Variants in DAPK3 observed in about 807,000 individuals in gnomAD.
DAPK3 encodes the protein death associated protein kinase 3.
In DAPK3, 24 loss-of-function variants were observed where a neutral mutation model predicts 30.6. The ratio of observed to expected loss-of-function variants is 0.78; its 90% confidence interval spans 0.57 to 1.10. DAPK3 has a LOEUF of 1.10. DAPK3 is among the 50% of genes least tolerant of loss of function. The probability of loss-of-function intolerance (pLI) is 0.00; values close to 1 mark genes in which losing one functional copy is unlikely to be tolerated. For synonymous variants in DAPK3, 341 were observed against 284.0 expected (o/e 1.20, Z -2.02); for missense variants, 629 against 657.3 (o/e 0.96, Z 0.47).
chr19:3,959,155 G>A lies in DAPK3; in HGVS notation c.1311C>T (p.Leu437=), dbSNP rs773681330. 3.8e-6 allele frequency: 6 copies of A among 1,588,902 alleles called. No homozygotes were observed. Among genetic ancestry groups the A allele is most frequent in the Non-Finnish European group, 4.3e-6 (5 of 1,172,172 alleles). The change falls in exon 9 of 9, where the codon CTC becomes CTT. Residue 437 remains leucine, a synonymous_variant. Coordinates refer to ENST00000545797, the MANE Select transcript of DAPK3 (RefSeq NM_001348.3). ...VASEMRFVQD[L]VRALEQEKLQ... is the part of the protein sequence containing the mutation. ...GCTTCTCCTGCTCCAGGGCGCGCAC[G>A]AGGTCCTGCACGAAGCGCATCTCGG...
At chr19:3,967,044 T>C (rs141439764) in intron 2 of DAPK3, among the ~76,000 whole-genome samples, 379 of 152,244 alleles carry the variant, frequency 2.5e-3, no homozygotes, top group African/African-American at 8.6e-3. Context: ...TCAGTGATGG[T>C]CTCAGGTGTC....
chr19:3,966,839 GC>G (rs140585065), intron 2 of DAPK3, among the ~76,000 whole-genome samples: 2,916 of 152,296 alleles, frequency 0.019, 107 homozygotes, highest in African/African-American at 0.067. Flanking sequence ...CCTCCAGACA[GC>G]CCCCGGTCTC....
chr19:3,968,054 C>G (rs2145342391), intron 2 of DAPK3, among the ~76,000 whole-genome samples: 1 of 152,358 alleles, frequency 6.6e-6, no homozygotes, highest in South Asian at 2.1e-4. Flanking sequence ...TCTTGAAGTC[C>G]TGGGCTCAAG....
intron 1 of DAPK3, 122 bp from the exon 2 acceptor site, chr19:3,969,951 T>C (rs767631894): frequency 3.5e-6 from 2 of 569,286 alleles, no homozygotes; most frequent in Non-Finnish European, 6.2e-6. Context: ...AGCTCCAAAC[T>C]CGACAAAAAG....
At chr19:3,965,024 A>C (rs1343247225) in intron 2 of DAPK3, 33 bp from the exon 3 acceptor site, 2 of 1,227,910 alleles carry the variant, frequency 1.6e-6, no homozygotes, top group Non-Finnish European at 2.4e-6. Flanking sequence ...GTGGGGGTGG[A>C]GGAGGCGGAG....
intron 7 of DAPK3, 114 bp from the exon 8 acceptor site, chr19:3,960,218 A>T: frequency 1.5e-6 from 1 of 662,940 alleles, no homozygotes; most frequent in East Asian, 2.8e-5. Context: ...GCCTCTGCTC[A>T]GCCAACCACA....
chr19:3,970,099 G>A (rs561210395), intron 1 of DAPK3, among the ~76,000 whole-genome samples: 6 of 152,196 alleles, frequency 3.9e-5, no homozygotes, highest in South Asian at 4.1e-4. Flanking sequence ...TGATTTCCCC[G>A]ACGCTGCCTG....
At chr19:3,968,228 C>T (rs2039598738) in intron 2 of DAPK3, among the ~76,000 whole-genome samples, 1 of 152,208 alleles carries the variant, frequency 6.6e-6, no homozygotes, top group African/African-American at 2.4e-5. Flanking sequence ...GGTGCGGTGG[C>T]TCACGCCTGT....
chr19:3,959,938 G>T, intron 8 of DAPK3, 121 bp downstream of exon 8: 1 of 763,870 alleles, frequency 1.3e-6, no homozygotes. Flanking sequence ...CTCCTCTGGG[G>T]ACCCTCCCCA....
chr19:3,964,036 C>T (rs2039547419), intron 4 of DAPK3, 117 bp from the exon 5 acceptor site: 8 of 830,352 alleles, frequency 9.6e-6, no homozygotes, highest in East Asian at 5.3e-5. Flanking sequence ...GGCATGAATG[C>T]GGCAGAGCTG....
intron 2 of DAPK3, among the ~76,000 whole-genome samples, chr19:3,967,984 TAA>T (rs1161955202): frequency 6.6e-6 from 1 of 152,230 alleles, no homozygotes; most frequent in African/African-American, 2.4e-5. Flanking sequence ...ATACTTTTTT[TAA>T]AATTATGAAT....
rs72976910 is a variant in DAPK3 at position 3,967,794 on chromosome 19, C to T, written c.62+1880G>A. Among the ~76,000 whole-genome samples, 504 of 152,284 alleles carry T rather than the reference C, an allele frequency of 3.3e-3. 2 individuals carry two copies. Among genetic ancestry groups the T allele is most frequent in the Non-Finnish European group, 6.2e-3 (421 of 68,026 alleles). On this transcript the variant is annotated intron_variant, in intron 2 of 8. Transcript: ENST00000545797. The stretch of plus-strand genomic sequence containing the variant: ...AAATTGCTACATTCTGGGCCTTCAT[C>T]TTGCACTTCATGTATCTCTGAGAAT...
intron 4 of DAPK3, 68 bp from the exon 5 acceptor site, chr19:3,963,987 G>A: frequency 9.4e-7 from 1 of 1,060,512 alleles, no homozygotes; most frequent in Non-Finnish European, 1.4e-6. Context: ...TCAAGACACA[G>A]GCATGGGGTC....
At position 3,960,145 on chromosome 19, in the gene DAPK3, T is replaced by G. The variant is rs376694829; in HGVS notation, c.783-41A>C. ...TCTGGTTAGGTACACCTGCACCATC[T>G]GTCCCGTCCTCCCGTGAACAACTGA... On this transcript the variant is annotated intron_variant, in intron 7 of 8. Coordinates refer to ENST00000545797, the MANE Select transcript of DAPK3 (RefSeq NM_001348.3). 3 of 1,172,330 alleles carry G rather than the reference T, an allele frequency of 2.6e-6. No homozygotes were observed. In the African/African-American group the frequency reaches 4.6e-5, roughly 18 times the overall value. 72.6% of individuals were successfully genotyped at this position (1,172,330 alleles called of 1,614,324 possible). A position where few individuals can be genotyped will look rare whatever the true frequency, so the allele number is the denominator to read the frequency against.
intron 2 of DAPK3, 71 bp from the exon 3 acceptor site, chr19:3,965,062 G>A (rs533616612): frequency 5.2e-4 from 415 of 801,682 alleles, no homozygotes; most frequent in East Asian, 4.3e-3. Context: ...CTGGCTCCCC[G>A]TCACCTCCAC....
At chr19:3,970,110 C>T (rs1339675345) in intron 1 of DAPK3, among the ~76,000 whole-genome samples, 3 of 152,208 alleles carry the variant, frequency 2.0e-5, no homozygotes, top group South Asian at 2.1e-4. Flanking sequence ...ACGCTGCCTG[C>T]GTCTTTTTTT....
intron 6 of DAPK3, 98 bp from the exon 7 acceptor site, chr19:3,961,259 G>C: frequency 2.0e-6 from 2 of 1,001,814 alleles, no homozygotes; most frequent in Admixed American, 1.9e-5. Context: ...CAGAAGACAG[G>C]CTGACGGCAG....
At chr19:3,967,931 C>T (rs1328165154) in intron 2 of DAPK3, among the ~76,000 whole-genome samples, 1 of 152,184 alleles carries the variant, frequency 6.6e-6, no homozygotes, top group East Asian at 1.9e-4. Context: ...ACATGAAATA[C>T]ACACCAGACC....
intron 4 of DAPK3, 57 bp from the exon 5 acceptor site, chr19:3,963,976 C>A: frequency 8.6e-7 from 1 of 1,157,210 alleles, no homozygotes; most frequent in South Asian, 1.3e-5. Context: ...AAGGAAGAGG[C>A]TCAAGACACA....
Sources: allele counts gnomAD v4.1 joint callset (sites outside exome capture counted in the v4.1 genomes callset), GRCh38; gene constraint gnomAD v4.1.1; transcripts MANE v1.5; gene names NCBI Gene and HGNC (gene_info 2026-07-23, HGNC 2026-07-21).